CHD7: variants seen among roughly 807,000 people sequenced by gnomAD.
CHD7 encodes the protein ATP-dependent chromatin remodeler CHD7.
Under a neutral mutation model 307.3 loss-of-function variants are expected in CHD7, and 24 were observed. The observed-to-expected ratio is 0.08, with a 90% CI of 0.06 to 0.11. CHD7 has a LOEUF of 0.11. Among genes scored for constraint, CHD7 ranks in the 10% least tolerant of loss-of-function variants. The probability of loss-of-function intolerance (pLI) is 1.00; values close to 1 mark genes in which losing one functional copy is unlikely to be tolerated. For missense variants in CHD7, 3,106 were observed against 3,727.1 expected, an observed-to-expected ratio of 0.83 and a Z score of 4.34; for synonymous variants, 1,363 against 1,349.9, an observed-to-expected ratio of 1.01 and a Z score of -0.21.
chr8:60,742,313 C>T lies in CHD7; in HGVS notation c.881C>T (p.Ser294Phe). The T allele has an allele frequency of 6.2e-7, 1 of 1,613,994 alleles. No individual in the cohort carries two copies. The highest frequency in any genetic ancestry group is 8.5e-7 in the Non-Finnish European group (1 of 1,179,888). ...AGGCCGCAAACCCTTAACTTTAGTTCTCGGAGCCAGACAGTCCCCTCTCCT... is the reference window on the plus strand; with the variant it reads ...AGGCCGCAAACCCTTAACTTTAGTTTTCGGAGCCAGACAGTCCCCTCTCCT... The part of the protein sequence containing the change: ...AVRPQTLNFS[S>F]RSQTVPSPTI... Residue 294 changes from serine to phenylalanine, a missense_variant, in exon 2 of 38, where the codon TCT becomes TTT. Transcript: ENST00000423902.
chr8:60,799,211 G>C (rs867751913), intron 4 of CHD7, among the ~76,000 whole-genome samples: 1 of 152,054 alleles, frequency 6.6e-6, no homozygotes, highest in African/African-American at 2.4e-5. Flanking sequence ...TATGTGGCTT[G>C]TTTTTCTTCT....
intron 25 of CHD7, 100 bp from the exon 26 acceptor site, chr8:60,850,393 T>G: frequency 7.0e-7 from 1 of 1,435,714 alleles, no homozygotes; most frequent in South Asian, 1.4e-5. Flanking sequence ...TAACCTTGAC[T>G]GAAAAACAAA....
rs1804981449 is a variant in CHD7, at chr8:60,841,660, C to G, written c.4550C>G (p.Ser1517Cys). 6.2e-7 allele frequency: 1 copy of G among 1,607,698 alleles called. No homozygotes were observed. Among genetic ancestry groups the G allele is most frequent in the Non-Finnish European group, 8.5e-7 (1 of 1,174,534 alleles). ...TCTCTTTAGGCCAGTTTTGTTGCAT[C>G]TGGAAATAGGACAGATATTTCCTTG... Reference protein sequence around the residue: ...STFAKASFVASGNRTDISLDD... With the variant: ...STFAKASFVACGNRTDISLDD... The change falls in exon 20 of 38, where the codon TCT becomes TGT. Residue 1517 changes from serine (S) to cysteine (C), a missense_variant. Ser to Cys is a moderately radical substitution (Grantham distance 112, BLOSUM62 -1). Around this residue, in one of 10 missense-constraint regions of CHD7, gnomAD observed 93 missense variants for 176.4 expected, o/e 0.53. Coordinates refer to ENST00000423902, the MANE Select transcript of CHD7 (RefSeq NM_017780.4).
At position 60,856,964 on chromosome 8, in the gene CHD7, G is replaced by T. The variant is rs765596198; in HGVS notation, c.7608+76G>T. 33 of 1,332,906 alleles carry T rather than the reference G, an allele frequency of 2.5e-5. No homozygotes were observed. The Middle Eastern group carries it at 8.1e-4, about 33-fold the overall frequency. The allele number at this position is 1,332,906 out of a possible 1,614,324, so 82.6% of individuals were successfully genotyped here. The stretch of plus-strand genomic sequence containing the variant: ...GGTCCTGTGATGCTCACGATGCTGG[G>T]CTGTGTTTCTCTCAGCAGCATTGTA... On this transcript the variant is annotated intron_variant, in intron 34 of 37. Transcript: ENST00000423902.
rs1173898140 is a variant in CHD7 at position 60,797,919 on chromosome 8, TGAC to T, written c.2239-2468_2239-2466del. Among the ~76,000 whole-genome samples, 10 of 152,356 alleles carry T rather than the reference TGAC, an allele frequency of 6.6e-5. 1 individual carries two copies. Among genetic ancestry groups the T allele is most frequent in the Admixed American group, 5.2e-4 (8 of 15,306 alleles). ...TTGGAAAGCTGGAGCTGATTAATGA[TGAC>T]TTTAGTCCTACTAATTACATCTCAC... is the stretch of plus-strand genomic sequence containing the variant. On this transcript the variant is annotated intron_variant, in intron 4 of 37. Coordinates refer to ENST00000423902, the MANE Select transcript of CHD7 (RefSeq NM_017780.4).
chr8:60,799,751 T>C (rs1246610155), intron 4 of CHD7, among the ~76,000 whole-genome samples: 1 of 152,144 alleles, frequency 6.6e-6, no homozygotes, highest in East Asian at 1.9e-4. Flanking sequence ...CCCTATAGAT[T>C]CATTAGCCAG....
intron 3 of CHD7, among the ~76,000 whole-genome samples, chr8:60,793,616 A>G (rs1253046626): frequency 6.6e-6 from 1 of 152,222 alleles, no homozygotes; most frequent in Non-Finnish European, 1.5e-5. Flanking sequence ...AGCTGAGGGT[A>G]AAAACATGCT....
chr8:60,738,882 A>C (rs925114511), intron 1 of CHD7, among the ~76,000 whole-genome samples: 1 of 152,204 alleles, frequency 6.6e-6, no homozygotes, highest in African/African-American at 2.4e-5. Context: ...ATGGACACTT[A>C]GTAGAAGGGC....
At chr8:60,733,399 TC>T (rs1207695627) in intron 1 of CHD7, among the ~76,000 whole-genome samples, 2 of 152,226 alleles carry the variant, frequency 1.3e-5, no homozygotes, top group Non-Finnish European at 2.9e-5. Context: ...GCCCATCTGT[TC>T]CTAGGACATG....
chr8:60,732,953 G>T (rs1465884411), intron 1 of CHD7, among the ~76,000 whole-genome samples: 1 of 151,988 alleles, frequency 6.6e-6, no homozygotes, highest in African/African-American at 2.4e-5. Context: ...AAAGATATGA[G>T]ACCTGGTGCA....
Position 60,838,207 on chromosome 8 carries a change from C to A in CHD7, c.4485C>A (p.Thr1495=). ...EDIDQILLRR[T]HTITIESEGK... is the part of the protein sequence containing the mutation. ...TTGATCAGATCCTCCTACGTCGAAC[C>A]CACACCATTACCATTGAGTCAGAAG... Residue 1495 remains threonine (T), a synonymous_variant, in exon 19 of 38, where the codon ACC becomes ACA. Coordinates refer to ENST00000423902, the MANE Select transcript of CHD7 (RefSeq NM_017780.4). 6.2e-7 allele frequency: 1 copy of A among 1,603,470 alleles called. No individual in the cohort carries two copies.
intron 13 of CHD7, chr8:60,824,383 C>CATTTTGG (rs910453227): frequency 9.8e-6 from 3 of 307,248 alleles, no homozygotes; most frequent in African/African-American, 6.4e-5. Flanking sequence ...CTCATTGGAG[C>CATTTTGG]ATTTTGGATT....
chr8:60,818,018 G>GAAT (rs1803829348), intron 8 of CHD7, among the ~76,000 whole-genome samples: 1 of 152,194 alleles, frequency 6.6e-6, no homozygotes, highest in African/African-American at 2.4e-5. Context: ...TACCAAGGTT[G>GAAT]AATGTACATT....
chr8:60,710,535 T>C (rs145733707), intron 1 of CHD7, among the ~76,000 whole-genome samples: 1 of 152,364 alleles, frequency 6.6e-6, no homozygotes, highest in East Asian at 1.9e-4. Context: ...TCTTTTCTGT[T>C]GTTAAGAACC....
At chr8:60,801,315 A>G (rs1812299887) in intron 5 of CHD7, among the ~76,000 whole-genome samples, 1 of 152,336 alleles carries the variant, frequency 6.6e-6, no homozygotes, top group Middle Eastern at 3.4e-3. Flanking sequence ...TAATTAAACC[A>G]TATAATCATG....
rs1446745630 is a variant in CHD7 at position 60,742,883 on chromosome 8, G to T, written c.1451G>T (p.Gly484Val). Residue 484 changes from glycine to valine, a missense_variant, in exon 2 of 38, where the codon GGC becomes GTC. Physicochemically the swap from Gly to Val is moderately radical, Grantham distance 109 (BLOSUM62 -3). Coordinates refer to ENST00000423902, the MANE Select transcript of CHD7 (RefSeq NM_017780.4). ...HMRPNGCPGVGLGDPQAIQER... is the reference protein window; with the variant it reads ...HMRPNGCPGVVLGDPQAIQER... The stretch of plus-strand genomic sequence containing the variant: ...AGGCCAAATGGTTGTCCTGGTGTTG[G>T]CCTTGGAGACCCACAAGCAATCCAG... The T allele has an allele frequency of 5.6e-6, 9 of 1,612,014 alleles. No homozygotes were observed. The highest frequency in any genetic ancestry group is 7.6e-6 in the Non-Finnish European group (9 of 1,178,962).
At chr8:60,830,160 T>C (rs767150077) in intron 14 of CHD7, among the ~76,000 whole-genome samples, 162 bp from the exon 15 acceptor site, 6 of 152,242 alleles carry the variant, frequency 3.9e-5, no homozygotes, top group Non-Finnish European at 8.8e-5. Context: ...CATGCACTGC[T>C]CTTATGAAAG....
chr8:60,820,834 G>T (rs1803994863), intron 9 of CHD7, among the ~76,000 whole-genome samples: 1 of 152,120 alleles, frequency 6.6e-6, no homozygotes, highest in African/African-American at 2.4e-5. Flanking sequence ...GACCATATCT[G>T]TAACATGATC....
intron 1 of CHD7, among the ~76,000 whole-genome samples, chr8:60,695,775 AATTAAAATGATATACTTCTCCTC>A (rs1226012980): frequency 1.3e-5 from 2 of 152,240 alleles, no homozygotes; most frequent in Non-Finnish European, 2.9e-5. Flanking sequence ...ATGCAAATTA[AATTAAAATGATATACTTCTCCTC>A]ATTAAATTAG....
Sources: allele counts gnomAD v4.1 joint callset (sites outside exome capture counted in the v4.1 genomes callset), GRCh38; gene constraint gnomAD v4.1.1; regional missense constraint gnomAD v4.1.1; transcripts MANE v1.5; gene names NCBI Gene and HGNC (gene_info 2026-07-23, HGNC 2026-07-21).